DIP2B: variants seen among roughly 807,000 people sequenced by gnomAD.
The protein encoded by DIP2B is disco-interacting protein 2 homolog B.
DIP2B carries 76 observed loss-of-function variants against 198.0 expected under a neutral mutation model. That is an observed-to-expected ratio of 0.38 (90% CI 0.32 to 0.46). The LOEUF (loss-of-function observed/expected upper bound fraction) is 0.46, where lower values mean the gene tolerates loss of function less well. Among genes scored for constraint, DIP2B ranks in the 20% least tolerant of loss-of-function variants. The pLI is 0.99. For synonymous variants in DIP2B, 701 were observed against 739.1 expected (o/e 0.95, Z 0.84); for missense variants, 1,559 against 1,978.4 (o/e 0.79, Z 4.02).
At chr12:50,548,419 A>G (rs1305447087) in intron 1 of DIP2B, among the ~76,000 whole-genome samples, 1 of 152,258 alleles carries the variant, frequency 6.6e-6, no homozygotes, top group Non-Finnish European at 1.5e-5. Flanking sequence ...ATATGTGTAT[A>G]TATACACAGA....
chr12:50,519,712 C>A (rs988278285), intron 1 of DIP2B, among the ~76,000 whole-genome samples: 4 of 151,888 alleles, frequency 2.6e-5, no homozygotes, highest in East Asian at 1.9e-4. Context: ...AGTCTTTTTT[C>A]CCCCAGGATA....
intron 15 of DIP2B, 89 bp downstream of exon 15, chr12:50,695,449 T>A: frequency 8.1e-7 from 1 of 1,240,832 alleles, no homozygotes; most frequent in Non-Finnish European, 1.2e-6. Context: ...TGCCCTTGTA[T>A]GCCCCTGTCC....
At chr12:50,542,031 G>A (rs936851945) in intron 1 of DIP2B, among the ~76,000 whole-genome samples, 17 of 149,592 alleles carry the variant, frequency 1.1e-4, no homozygotes, top group Admixed American at 9.3e-4. Context: ...GGTGGCTCAC[G>A]CCTGTAATCC....
Position 50,744,987 on chromosome 12 carries a change from A to C in DIP2B, c.*148A>C, listed in dbSNP as rs1372899820. 1 of 1,008,566 alleles carries C rather than the reference A, an allele frequency of 9.9e-7. No homozygotes were observed. Among genetic ancestry groups the C allele is most frequent in the African/African-American group, 1.6e-5 (1 of 61,782 alleles). 62.5% of individuals were successfully genotyped at this position (1,008,566 alleles called of 1,614,324 possible). ...CATCCTGTGGGATTCTGCAATCATA[A>C]AACACAGGAAAGGGGAATTCTGTGA... On this transcript the variant is annotated 3_prime_UTR_variant, in exon 38 of 38. Transcript: ENST00000301180.
At chr12:50,593,359 G>A (rs914461364) in intron 1 of DIP2B, among the ~76,000 whole-genome samples, 3 of 152,032 alleles carry the variant, frequency 2.0e-5, no homozygotes, top group Non-Finnish European at 4.4e-5. Flanking sequence ...ACAAAAATTA[G>A]CTAGGCGTGG....
In DIP2B at chr12:50,686,677, A is replaced by G. The variant is rs769909010; in HGVS notation, c.1546A>G (p.Ile516Val). ...ACCTGCTGGGACAGAACCGGCATAC[A>G]TTGAGGTAAGTCCTAAGATGTAAAA... ...ISPAGTEPAY[I>V]EYKTSKEGSV... Residue 516 changes from isoleucine to valine, a missense_variant, in exon 12 of 38, where the codon ATT becomes GTT. Transcript: ENST00000301180. 4.3e-6 allele frequency: 7 copies of G among 1,613,816 alleles called. No homozygotes were observed. The highest frequency in any genetic ancestry group is 1.1e-5 in the South Asian group (1 of 91,016).
At chr12:50,551,778 C>T (rs960340354) in intron 1 of DIP2B, among the ~76,000 whole-genome samples, 3 of 152,108 alleles carry the variant, frequency 2.0e-5, no homozygotes, top group Non-Finnish European at 2.9e-5. Context: ...AATAATGTTC[C>T]ATTGTATGTA....
Position 50,680,660 on chromosome 12 carries a change from CT to C in DIP2B, c.1115-5del. On this transcript the variant is annotated splice_polypyrimidine_tract_variant and intron_variant, in intron 8 of 37. Coordinates refer to ENST00000301180, the MANE Select transcript of DIP2B (RefSeq NM_173602.3). ...TCTATATGACTGTTGTTTTTTTTTC[CT>C]TTTTTTCCAGGAAAGTTGTGGAGCA... 2 of 1,590,058 alleles carry C rather than the reference CT, an allele frequency of 1.3e-6. No homozygotes were observed. Among genetic ancestry groups the C allele is most frequent in the Admixed American group, 1.8e-5 (1 of 55,196 alleles).
chr12:50,569,239 T>G (rs1958593028), intron 1 of DIP2B, among the ~76,000 whole-genome samples: 1 of 152,196 alleles, frequency 6.6e-6, no homozygotes, highest in African/African-American at 2.4e-5. Context: ...AACTATCTGG[T>G]CCTCAGTATG....
rs549458784 is a variant in DIP2B, at chr12:50,674,002, C to T, written c.641-472C>T. Among the ~76,000 whole-genome samples the T allele has an allele frequency of 2.6e-5, 4 of 151,946 alleles. No homozygotes were observed. The East Asian group carries it at 7.8e-4, about 29-fold the overall frequency. Reference sequence around the variant, plus strand: ...CATCTGGAAACTTGTGCAGCCTGACCCACTTTCAAGATACGAGTTTGGTCT... The same window carrying T: ...CATCTGGAAACTTGTGCAGCCTGACTCACTTTCAAGATACGAGTTTGGTCT... On this transcript the variant is annotated intron_variant, in intron 5 of 37. Transcript: ENST00000301180.
intron 1 of DIP2B, among the ~76,000 whole-genome samples, chr12:50,568,995 C>T (rs955249724): frequency 2.0e-5 from 3 of 151,594 alleles, no homozygotes; most frequent in African/African-American, 7.3e-5. Context: ...TCGTGCTTCC[C>T]TCCCCTCTCA....
chr12:50,716,315 T>G (rs1316570675), intron 23 of DIP2B, among the ~76,000 whole-genome samples: 1 of 152,244 alleles, frequency 6.6e-6, no homozygotes, highest in Non-Finnish European at 1.5e-5. Context: ...CTTTATCTTT[T>G]TTGAGTTTTC....
intron 7 of DIP2B, 74 bp from the exon 8 acceptor site, chr12:50,678,605 G>A (rs1311002612): frequency 1.4e-6 from 2 of 1,458,938 alleles, no homozygotes; most frequent in Non-Finnish European, 1.9e-6. Flanking sequence ...GGAAGATGCA[G>A]TTGAGATTAG....
At chr12:50,676,653 A>G (rs1938951917) in intron 7 of DIP2B, among the ~76,000 whole-genome samples, 1 of 152,232 alleles carries the variant, frequency 6.6e-6, no homozygotes, top group African/African-American at 2.4e-5. Flanking sequence ...TAAATAGGCA[A>G]TAGTTGCTTG....
At chr12:50,573,593 T>G (rs964706400) in intron 1 of DIP2B, among the ~76,000 whole-genome samples, 3 of 152,200 alleles carry the variant, frequency 2.0e-5, no homozygotes, top group Non-Finnish European at 2.9e-5. Context: ...AAAAGCCCAT[T>G]GTAGCACTAA....
intron 4 of DIP2B, among the ~76,000 whole-genome samples, chr12:50,662,443 G>A (rs1938668196): frequency 6.6e-6 from 1 of 152,188 alleles, no homozygotes; most frequent in Admixed American, 6.5e-5. Flanking sequence ...CAAATACTTT[G>A]CTCTAGTGAG....
chr12:50,736,940 C>G, intron 34 of DIP2B, 96 bp from the exon 35 acceptor site: 1 of 1,202,638 alleles, frequency 8.3e-7, no homozygotes, highest in African/African-American at 1.5e-5. Context: ...CCATGTGTGC[C>G]TCTCTCACCT....
intron 3 of DIP2B, among the ~76,000 whole-genome samples, chr12:50,659,603 T>G (rs1160190583): frequency 6.6e-6 from 1 of 152,062 alleles, no homozygotes; most frequent in Non-Finnish European, 1.5e-5. Flanking sequence ...AATTTTGAGA[T>G]TCCTATTAGA....
chr12:50,709,223 A>G (rs1429969819), intron 22 of DIP2B, among the ~76,000 whole-genome samples: 4 of 152,256 alleles, frequency 2.6e-5, no homozygotes, highest in Non-Finnish European at 5.9e-5. Flanking sequence ...TATCTGTTTT[A>G]TAGAGCTGTT....
Sources: gnomAD v4.1 joint callset for allele counts (sites outside exome capture counted in the v4.1 genomes callset) on GRCh38, gnomAD v4.1.1 for gene constraint, MANE v1.5 for transcripts, NCBI Gene and HGNC (gene_info 2026-07-23, HGNC 2026-07-21) for gene names.